AP2B1: variants seen among roughly 807,000 people sequenced by gnomAD.
AP2B1 encodes the protein AP-2 complex subunit beta.
Under a neutral mutation model 102.0 loss-of-function variants are expected in AP2B1, and 23 were observed. The ratio of observed to expected loss-of-function variants is 0.23; its 90% CI spans 0.16 to 0.32. The LOEUF (loss-of-function observed/expected upper bound fraction) is 0.32. Ranked by LOEUF, AP2B1 falls within the 10% of genes least tolerant of loss-of-function variation. The pLI, the probability that AP2B1 is intolerant of heterozygous loss-of-function variation, is 1.00. For missense variants in AP2B1, 541 were observed against 1,157.4 expected, an observed-to-expected ratio of 0.47 and a Z score of 7.73; for synonymous variants, 381 against 421.2, an observed-to-expected ratio of 0.90 and a Z score of 1.17.
chr17:35,619,952 T>G (rs1377917163), intron 5 of AP2B1, among the ~76,000 whole-genome samples: 2 of 152,008 alleles, frequency 1.3e-5, no homozygotes, highest in African/African-American at 4.8e-5. Flanking sequence ...GCCTGGCTAA[T>G]TTTTGGTATT....
rs147516564 is a variant in AP2B1, at chr17:35,689,919, G to A, written c.2454+7095G>A. On this transcript the variant is annotated intron_variant, in intron 18 of 21. Transcript: ENST00000610402. Reference sequence around the variant, plus strand: ...TTTCAGCAGTTTGGCTATTATGCATGTAGTTGTTTTTCTTGTATTTCTCTG... The same window carrying A: ...TTTCAGCAGTTTGGCTATTATGCATATAGTTGTTTTTCTTGTATTTCTCTG... 8.5e-3 allele frequency among the ~76,000 whole-genome samples: 1,295 copies of A among 152,302 alleles called. 11 individuals are homozygous for A. The highest frequency in any genetic ancestry group is 0.026 in the African/African-American group (1,071 of 41,564).
chr17:35,603,729 A>C (rs1304709021), intron 3 of AP2B1, among the ~76,000 whole-genome samples: 1 of 152,222 alleles, frequency 6.6e-6, no homozygotes, highest in African/African-American at 2.4e-5. Context: ...CCACTGGTCA[A>C]GACTGGAAGA....
chr17:35,692,655 GATGGGGAAGAAAGTACATTATTC>G (rs778527324), intron 18 of AP2B1, among the ~76,000 whole-genome samples: 86 of 152,282 alleles, frequency 5.6e-4, no homozygotes, highest in Non-Finnish European at 9.1e-4. Context: ...TGTTTAATGA[GATGGGGAAGAAAGTACATTATTC>G]ATACTTTTTA....
At chr17:35,600,658 TA>T (rs2073448602) in intron 3 of AP2B1, among the ~76,000 whole-genome samples, 2 of 152,240 alleles carry the variant, frequency 1.3e-5, no homozygotes, top group Admixed American at 1.3e-4. Flanking sequence ...CTCATTAATT[TA>T]AAAACAGTAC....
At chr17:35,594,773 T>C (rs1049591799) in intron 2 of AP2B1, among the ~76,000 whole-genome samples, 6 of 152,222 alleles carry the variant, frequency 3.9e-5, no homozygotes, top group Admixed American at 2.0e-4. Context: ...TCATCATCTT[T>C]GTTATCAGTA....
intron 4 of AP2B1, among the ~76,000 whole-genome samples, chr17:35,606,242 ATTT>A (rs35218837): frequency 2.1e-5 from 3 of 145,310 alleles, no homozygotes; most frequent in Admixed American, 2.1e-4. Context: ...CATTTGATTA[ATTT>A]TTTTTTTTTT....
At chr17:35,593,336 T>G (rs546526425) in intron 1 of AP2B1, among the ~76,000 whole-genome samples, 2 of 152,276 alleles carry the variant, frequency 1.3e-5, no homozygotes, top group South Asian at 4.1e-4. Context: ...GATAAATGCT[T>G]GAGGTGATGG....
intron 17 of AP2B1, among the ~76,000 whole-genome samples, chr17:35,680,716 T>TTTTTC (rs1567972495): frequency 6.7e-6 from 1 of 149,390 alleles, no homozygotes; most frequent in African/African-American, 2.5e-5. Flanking sequence ...TTTTTTTTTT[T>TTTTTC]CAGACAGTCT....
chr17:35,609,425 C>A (rs1346789536), intron 5 of AP2B1, among the ~76,000 whole-genome samples: 2 of 151,168 alleles, frequency 1.3e-5, no homozygotes, highest in Non-Finnish European at 2.9e-5. Context: ...CAGCTCACTG[C>A]AAGCTCCGCC....
At chr17:35,624,358 G>C in intron 5 of AP2B1, 39 bp from the exon 6 acceptor site, 3 of 1,595,128 alleles carry the variant, frequency 1.9e-6, no homozygotes, top group Non-Finnish European at 2.6e-6. Flanking sequence ...TAGCTGTGCT[G>C]TTCTTGGTGA....
intron 7 of AP2B1, 58 bp downstream of exon 7, chr17:35,626,900 A>ATTAT: frequency 6.8e-7 from 1 of 1,460,230 alleles, no homozygotes; most frequent in South Asian, 1.2e-5. Context: ...AAGCTTAATA[A>ATTAT]TGTCAATGTT....
chr17:35,605,306 T>C lies in AP2B1; in HGVS notation c.144-399T>C, dbSNP rs145809372. On this transcript the variant is annotated intron_variant, in intron 3 of 21. Transcript: ENST00000610402. The stretch of plus-strand genomic sequence containing the variant: ...TCTTGTTGCCCAGGCTGGAGTGCAA[T>C]GGTGTGATCTCAGCTCACCGCAAAC... 9.9e-3 allele frequency among the ~76,000 whole-genome samples: 1,488 copies of C among 150,864 alleles called. 24 individuals are homozygous for C. The highest frequency in any genetic ancestry group is 0.034 in the African/African-American group (1,382 of 41,022).
intron 17 of AP2B1, among the ~76,000 whole-genome samples, chr17:35,676,594 A>G (rs1040673174): frequency 2.0e-4 from 30 of 152,038 alleles, no homozygotes; most frequent in Admixed American, 9.2e-4. Flanking sequence ...CTTTGGTTGG[A>G]CATATGTTTT....
chr17:35,613,720 G>A (rs1470525331), intron 5 of AP2B1, among the ~76,000 whole-genome samples: 1 of 152,196 alleles, frequency 6.6e-6, no homozygotes, highest in East Asian at 1.9e-4. Context: ...GGCTGCTACT[G>A]TAATTATGAA....
intron 18 of AP2B1, among the ~76,000 whole-genome samples, chr17:35,707,081 C>T (rs889416735): frequency 6.6e-6 from 1 of 152,186 alleles, no homozygotes; most frequent in Non-Finnish European, 1.5e-5. Context: ...AATACTCTTT[C>T]CCGGAAGCCC....
At chr17:35,610,349 T>C (rs1301184441) in intron 5 of AP2B1, among the ~76,000 whole-genome samples, 1 of 152,014 alleles carries the variant, frequency 6.6e-6, no homozygotes, top group Non-Finnish European at 1.5e-5. Flanking sequence ...CGTTGCACCA[T>C]GTTGGCCAGG....
At chr17:35,662,532 G>T (rs865897912) in intron 14 of AP2B1, among the ~76,000 whole-genome samples, 2,638 of 110,100 alleles carry the variant, frequency 0.024, 52 homozygotes, top group African/African-American at 0.066. Context: ...GTTTGGGTTT[G>T]TTTTTTTTTT....
chr17:35,654,708 C>A (rs987392625), intron 13 of AP2B1, among the ~76,000 whole-genome samples: 3 of 152,084 alleles, frequency 2.0e-5, no homozygotes, highest in Non-Finnish European at 4.4e-5. Flanking sequence ...TTGCCATTCT[C>A]TAGTCTCGTT....
intron 3 of AP2B1, among the ~76,000 whole-genome samples, chr17:35,605,051 T>C (rs1221929338): frequency 6.6e-6 from 1 of 151,966 alleles, no homozygotes; most frequent in Non-Finnish European, 1.5e-5. Context: ...ACTACAGGTG[T>C]GCACCACCAC....
Sources: gnomAD v4.1 joint callset for allele counts (sites outside exome capture counted in the v4.1 genomes callset) on GRCh38, gnomAD v4.1.1 for gene constraint, MANE v1.5 for transcripts, NCBI Gene and HGNC (gene_info 2026-07-23, HGNC 2026-07-21) for gene names.